The following SLC35F3 variants were observed in gnomAD, a reference collection of about 807,000 sequenced individuals.
SLC35F3 encodes putative thiamine transporter SLC35F3.
Under a neutral mutation model 49.9 loss-of-function variants are expected in SLC35F3, and 25 were observed. That is an observed-to-expected ratio of 0.50 (90% CI 0.37 to 0.70). The LOEUF is 0.70. Ranked by LOEUF, SLC35F3 falls within the 30% of genes least tolerant of loss-of-function variation. SLC35F3 has a pLI of 0.00. For missense variants in SLC35F3, 525 were observed against 639.8 expected (o/e 0.82, Z 1.94); for synonymous variants, 275 against 265.4 (o/e 1.04, Z -0.35).
chr1:233,942,250 C>T (rs1037063272), intron 2 of SLC35F3, among the ~76,000 whole-genome samples: 2 of 151,690 alleles, frequency 1.3e-5, no homozygotes, highest in African/African-American at 2.4e-5. Flanking sequence ...TGTGAGCCAC[C>T]GTGCCCGGCA....
chr1:234,311,251 C>T (rs1657347761), intron 4 of SLC35F3, among the ~76,000 whole-genome samples: 1 of 152,210 alleles, frequency 6.6e-6, no homozygotes, highest in Non-Finnish European at 1.5e-5. Flanking sequence ...TAGCAAAATC[C>T]ATCATGAGAC....
chr1:233,988,754 G>A (rs543936756), intron 2 of SLC35F3, among the ~76,000 whole-genome samples: 10 of 152,124 alleles, frequency 6.6e-5, no homozygotes, highest in Middle Eastern at 3.4e-3. Flanking sequence ...TTTTGTCCTC[G>A]TTATCCTTTA....
intron 3 of SLC35F3, among the ~76,000 whole-genome samples, chr1:234,289,996 G>T (rs998741514): frequency 4.6e-5 from 7 of 152,154 alleles, no homozygotes; most frequent in African/African-American, 1.7e-4. Context: ...CATTGCACAT[G>T]AAGAACAAAA....
At chr1:233,933,035 T>A (rs200666879) in intron 2 of SLC35F3, among the ~76,000 whole-genome samples, 55 of 134,938 alleles carry the variant, frequency 4.1e-4, no homozygotes, top group South Asian at 7.2e-4. Flanking sequence ...GCTATTTAAG[T>A]AAAAAAAAAA....
chr1:234,252,028 G>T (rs946065908), intron 3 of SLC35F3, among the ~76,000 whole-genome samples: 8 of 150,854 alleles, frequency 5.3e-5, no homozygotes, highest in Non-Finnish European at 8.8e-5. Context: ...TCTCACTGTG[G>T]TACAAAGTTT....
intron 2 of SLC35F3, among the ~76,000 whole-genome samples, chr1:234,057,811 T>C (rs907842479): frequency 1.3e-5 from 2 of 152,114 alleles, no homozygotes; most frequent in African/African-American, 4.8e-5. Flanking sequence ...ATTGATGCAA[T>C]TCTCCTGCCT....
chr1:234,083,091 T>C (rs1220364313), intron 2 of SLC35F3, among the ~76,000 whole-genome samples: 1 of 152,340 alleles, frequency 6.6e-6, no homozygotes, highest in African/African-American at 2.4e-5. Context: ...CTCTTTCTGT[T>C]TCCTCCTTAA....
intron 3 of SLC35F3, chr1:234,272,272 G>A (rs1668120225): frequency 6.6e-6 from 1 of 152,190 alleles, no homozygotes; most frequent in South Asian, 2.1e-4. Flanking sequence ...AGTAATAGAA[G>A]GGCAGCACGT....
chr1:234,162,902 A>G (rs984769932), intron 2 of SLC35F3, among the ~76,000 whole-genome samples: 2 of 152,166 alleles, frequency 1.3e-5, no homozygotes, highest in African/African-American at 4.8e-5. Flanking sequence ...AATTCTTCCT[A>G]ATTCATAGAG....
chr1:234,001,970 G>T (rs73098501), intron 2 of SLC35F3, among the ~76,000 whole-genome samples: 16,831 of 152,168 alleles, frequency 0.11, 2,173 homozygotes, highest in African/African-American at 0.31. Flanking sequence ...ATTTAAACAA[G>T]TGTGTTTGCT....
chr1:234,323,530 T>C lies in SLC35F3; in HGVS notation c.*287T>C. The C allele has an allele frequency of 2.3e-6, 1 of 440,964 alleles. No individual in the cohort carries two copies. Among genetic ancestry groups the C allele is most frequent in the Non-Finnish European group, 4.1e-6 (1 of 244,864 alleles). 27.3% of individuals were successfully genotyped at this position (440,964 alleles called of 1,614,324 possible). On this transcript the variant is annotated 3_prime_UTR_variant, in exon 8 of 8. Coordinates refer to ENST00000366618, the MANE Select transcript of SLC35F3 (RefSeq NM_173508.4). This position sits in a 1 kb window ranked among gnomAD's most constrained non-coding sequence, Gnocchi z 4.5. Reference sequence around the variant, plus strand: ...AGATCGTTTTGGATGGCTGACGTTCTTGACAAGCCAGCCATCAGGGCAAGT... The same window carrying C: ...AGATCGTTTTGGATGGCTGACGTTCCTGACAAGCCAGCCATCAGGGCAAGT...
intron 2 of SLC35F3, among the ~76,000 whole-genome samples, chr1:234,113,478 G>A (rs139076987): frequency 6.6e-6 from 1 of 152,336 alleles, no homozygotes; most frequent in African/African-American, 2.4e-5. Flanking sequence ...AGGTATAATT[G>A]GGATTTAAGA....
chr1:234,136,612 A>G (rs1167412614), intron 2 of SLC35F3, among the ~76,000 whole-genome samples: 11 of 152,256 alleles, frequency 7.2e-5, no homozygotes, highest in Non-Finnish European at 1.6e-4. Context: ...TATAAACTTC[A>G]TAAAGTTTTT....
intron 2 of SLC35F3, among the ~76,000 whole-genome samples, chr1:234,190,634 C>T (rs370511269): frequency 6.2e-4 from 94 of 152,266 alleles, no homozygotes; most frequent in African/African-American, 2.1e-3. Context: ...TTCAATATTC[C>T]ACTGACAGCA....
At chr1:234,322,927 G>A in intron 7 of SLC35F3, 81 bp from the exon 8 acceptor site, 13 of 1,132,762 alleles carry the variant, frequency 1.1e-5, no homozygotes, top group Admixed American at 1.9e-5. Context: ...ACAGAGGAGG[G>A]TGCCCCCAGG....
At chr1:234,160,906 A>G (rs1666218177) in intron 2 of SLC35F3, among the ~76,000 whole-genome samples, 1 of 152,046 alleles carries the variant, frequency 6.6e-6, no homozygotes, top group African/African-American at 2.4e-5. Flanking sequence ...TGTGTGGATC[A>G]ACATCTGTCT....
intron 2 of SLC35F3, among the ~76,000 whole-genome samples, chr1:234,071,381 C>T (rs1212939935): frequency 6.6e-6 from 1 of 152,054 alleles, no homozygotes; most frequent in Admixed American, 6.6e-5. Flanking sequence ...AAGCTTGTTC[C>T]CATCCTGGTT....
chr1:234,252,078 C>CT (rs766577247), intron 3 of SLC35F3, among the ~76,000 whole-genome samples: 1,925 of 146,966 alleles, frequency 0.013, 15 homozygotes, highest in Non-Finnish European at 0.02. Flanking sequence ...AATTAAACTA[C>CT]TTTTTTTTTT....
intron 2 of SLC35F3, among the ~76,000 whole-genome samples, chr1:234,140,362 A>G (rs989406507): frequency 3.3e-5 from 5 of 152,200 alleles, no homozygotes; most frequent in African/African-American, 1.2e-4. Flanking sequence ...CATAAATTTT[A>G]TTATAGGATA....
Sources: gnomAD v4.1 joint callset for allele counts (sites outside exome capture counted in the v4.1 genomes callset) on GRCh38, gnomAD v4.1.1 for gene constraint, Gnocchi (gnomAD v3.1) non-coding constraint, MANE v1.5 for transcripts, NCBI Gene and HGNC (gene_info 2026-07-23, HGNC 2026-07-21) for gene names.